Variants in MYO3A observed in about 807,000 individuals in gnomAD.
The protein encoded by MYO3A is myosin IIIA.
Under a neutral mutation model 192.7 loss-of-function variants are expected in MYO3A, and 180 were observed. That is an observed-to-expected ratio of 0.93 (90% confidence interval 0.83 to 1.06). MYO3A has a LOEUF of 1.06. Ranked by LOEUF, MYO3A falls within the 50% of genes least tolerant of loss-of-function variation. MYO3A has a pLI of 0.00. For missense variants in MYO3A, 1,896 were observed against 1,905.0 expected, an observed-to-expected ratio of 1.00 and a Z score of 0.09; for synonymous variants, 628 against 645.3, an observed-to-expected ratio of 0.97 and a Z score of 0.41.
At chr10:26,104,762 C>T (rs954240094) in intron 17 of MYO3A, among the ~76,000 whole-genome samples, 4 of 151,832 alleles carry the variant, frequency 2.6e-5, no homozygotes, top group African/African-American at 9.7e-5. Flanking sequence ...CATCTTACCT[C>T]CTTAAATCTA....
At chr10:25,949,578 G>A (rs908113308) in intron 2 of MYO3A, among the ~76,000 whole-genome samples, 2 of 152,046 alleles carry the variant, frequency 1.3e-5, no homozygotes, top group African/African-American at 4.8e-5. Context: ...TTGGATCAAA[G>A]ACATGAATTT....
chr10:26,115,283 G>A (rs1838433483), intron 17 of MYO3A, among the ~76,000 whole-genome samples: 1 of 152,176 alleles, frequency 6.6e-6, no homozygotes, highest in African/African-American at 2.4e-5. Context: ...GAGGATCATG[G>A]CAGAGGCAAG....
intron 6 of MYO3A, among the ~76,000 whole-genome samples, chr10:26,012,053 T>A (rs1319647834): frequency 6.6e-6 from 1 of 152,174 alleles, no homozygotes; most frequent in Non-Finnish European, 1.5e-5. Flanking sequence ...CCATCATCCC[T>A]TTATGATAAA....
intron 10 of MYO3A, among the ~76,000 whole-genome samples, chr10:26,035,455 A>G (rs927814236): frequency 2.0e-5 from 3 of 152,250 alleles, no homozygotes. Context: ...AATAAGTTAC[A>G]TTGTTGCTTC....
intron 29 of MYO3A, among the ~76,000 whole-genome samples, chr10:26,171,596 T>C (rs1842049556): frequency 6.6e-6 from 1 of 152,212 alleles, no homozygotes; most frequent in Non-Finnish European, 1.5e-5. Context: ...TTTCAGTTTT[T>C]GTGTATTCTG....
rs552045255 is a variant in MYO3A, at chr10:26,146,850, C to T, written c.2506-580C>T. On this transcript the variant is annotated intron_variant, in intron 22 of 34. Coordinates refer to ENST00000642920, the MANE Select transcript of MYO3A (RefSeq NM_017433.5). ...AAAATTGGCTAGGCATGGTGGCTCA[C>T]GCCTGTAATCCTAGCACTTTGGGAG... Among the ~76,000 whole-genome samples, 8 of 152,236 alleles carry T rather than the reference C, an allele frequency of 5.3e-5. No homozygotes were observed. The East Asian group carries it at 9.7e-4, about 18-fold the overall frequency.
At chr10:26,054,104 G>A (rs1044924121) in intron 10 of MYO3A, among the ~76,000 whole-genome samples, 3 of 151,896 alleles carry the variant, frequency 2.0e-5, no homozygotes, top group Non-Finnish European at 2.9e-5. Flanking sequence ...GAAGCAATGG[G>A]GTGGGTGTGG....
intron 31 of MYO3A, among the ~76,000 whole-genome samples, chr10:26,179,680 A>G (rs943836576): frequency 6.6e-6 from 1 of 152,202 alleles, no homozygotes; most frequent in African/African-American, 2.4e-5. Context: ...AACACATTCA[A>G]ACATTCATGG....
intron 31 of MYO3A, among the ~76,000 whole-genome samples, chr10:26,179,089 ATTTTTT>A (rs59025321): frequency 4.5e-5 from 3 of 66,140 alleles, no homozygotes; most frequent in South Asian, 1.4e-3. Flanking sequence ...GCCCAGCCTA[ATTTTTT>A]TTTTTTTTTT....
chr10:26,184,800 CTTA>C (rs1213536378), intron 31 of MYO3A, among the ~76,000 whole-genome samples: 1 of 152,186 alleles, frequency 6.6e-6, no homozygotes, highest in Admixed American at 6.5e-5. Flanking sequence ...AGCCACAAAC[CTTA>C]TTATGCTAGT....
chr10:26,180,654 G>A (rs1842580745), intron 31 of MYO3A, among the ~76,000 whole-genome samples: 1 of 151,400 alleles, frequency 6.6e-6, no homozygotes, highest in Non-Finnish European at 1.5e-5. Flanking sequence ...TAGTTATATA[G>A]ATAGATATTC....
intron 6 of MYO3A, among the ~76,000 whole-genome samples, chr10:26,009,318 G>T (rs1042060875): frequency 7.2e-5 from 11 of 152,056 alleles, no homozygotes; most frequent in African/African-American, 2.7e-4. Flanking sequence ...CACCAGCATG[G>T]CACATGTATA....
Position 26,173,845 on chromosome 10 carries a change from A to G in MYO3A, c.3581A>G (p.Asn1194Ser). Residue 1194 changes from asparagine to serine, a missense_variant, in exon 30 of 35, where the codon AAT becomes AGT. By Grantham distance (46) the Asn-to-Ser change is conservative (BLOSUM62 1). Transcript: ENST00000642920. ...TATCAGACTCCAAAAAAAATGAATAATGTGTATGAGGAAGAGGTTAAGCAA... is the reference window on the plus strand; with the variant it reads ...TATCAGACTCCAAAAAAAATGAATAGTGTGTATGAGGAAGAGGTTAAGCAA... ...RVYQTPKKMN[N>S]VYEEEVKQEF... The G allele has an allele frequency of 6.2e-7, 1 of 1,614,086 alleles. No homozygotes were observed. The highest frequency in any genetic ancestry group is 8.5e-7 in the Non-Finnish European group (1 of 1,180,016).
At chr10:26,002,607 A>G (rs1343547360) in intron 6 of MYO3A, among the ~76,000 whole-genome samples, 3 of 151,788 alleles carry the variant, frequency 2.0e-5, no homozygotes, top group African/African-American at 7.2e-5. Flanking sequence ...GGTAATCGGA[A>G]TGAGTCAGGG....
chr10:26,085,635 G>A (rs191606098), intron 14 of MYO3A, among the ~76,000 whole-genome samples: 250 of 152,322 alleles, frequency 1.6e-3, no homozygotes, highest in African/African-American at 5.9e-3. Flanking sequence ...TGAGATGTGT[G>A]GTGGCAGCAA....
intron 4 of MYO3A, among the ~76,000 whole-genome samples, chr10:25,960,140 T>C (rs1837834349): frequency 6.6e-6 from 1 of 152,156 alleles, no homozygotes; most frequent in African/African-American, 2.4e-5. Context: ...TCCTTTTTTC[T>C]GTCCTCTTTT....
chr10:25,965,512 G>T (rs971799403), intron 4 of MYO3A, among the ~76,000 whole-genome samples: 1 of 152,042 alleles, frequency 6.6e-6, no homozygotes, highest in East Asian at 1.9e-4. Context: ...GCTAAGGGAC[G>T]TGATGCCAGC....
intron 6 of MYO3A, among the ~76,000 whole-genome samples, chr10:26,006,292 T>C (rs1228624696): frequency 2.0e-5 from 3 of 151,740 alleles, no homozygotes; most frequent in African/African-American, 7.3e-5. Context: ...AGATCCAAAA[T>C]TGACACCCTA....
chr10:26,072,081 G>A (rs997778164), intron 14 of MYO3A, among the ~76,000 whole-genome samples: 1 of 152,074 alleles, frequency 6.6e-6, no homozygotes. Context: ...AGTGAGAGAA[G>A]GAGGAACTTG....
Sources: gnomAD v4.1 joint callset for allele counts (sites outside exome capture counted in the v4.1 genomes callset) on GRCh38, gnomAD v4.1.1 for gene constraint, MANE v1.5 for transcripts, NCBI Gene and HGNC (gene_info 2026-07-23, HGNC 2026-07-21) for gene names.